The following SERPINA7 variants were observed in gnomAD, a reference collection of about 807,000 sequenced individuals.
The protein encoded by SERPINA7 is thyroxine-binding globulin.
A neutral mutation model predicts 16.0 loss-of-function variants in SERPINA7; 14 were observed. The observed-to-expected ratio is 0.88, with a 90% CI of 0.58 to 1.37. SERPINA7 has a LOEUF of 1.37. SERPINA7 is among the 40% of genes most tolerant of loss of function. The pLI is 0.00. For missense variants in SERPINA7, 335 were observed against 296.6 expected, an observed-to-expected ratio of 1.13 and a Z score of -0.95; for synonymous variants, 140 against 111.0, an observed-to-expected ratio of 1.26 and a Z score of -1.65.
chrX:106,034,510 G>A (rs2041433762), intron 3 of SERPINA7, 128 bp from the exon 4 acceptor site: 1 of 609,391 alleles, frequency 1.6e-6, no homozygotes, highest in South Asian at 2.6e-5. Context: ...CCATTACTAT[G>A]TAAGTCAATA....
At chrX:106,036,350 G>A in intron 2 of SERPINA7, 87 bp downstream of exon 2, 1 of 989,567 alleles carries the variant, frequency 1.0e-6, no homozygotes, top group Admixed American at 2.2e-5. Context: ...ACCTACTGAT[G>A]CCAGTAATAA....
Position 106,033,692 on chromosome X carries a change from CT to C in SERPINA7, c.1055del (p.Lys352ArgfsTer43), listed in dbSNP as rs1410524307. ...CCTTTTCACCAATGTGCAGCACAGC[CT>C]TATGGGCAGCCTGTGTGGGGAGAAC... Reference protein sequence around the residue: ...NGLKLSNAAHKAVLHIGEKGT... With the variant: ...NGLKLSNAAHXAVLHIGEKGT... On this transcript the variant is annotated frameshift_variant, in exon 5 of 5. Coordinates refer to ENST00000372563, the MANE Select transcript of SERPINA7 (RefSeq NM_000354.6). LOFTEE classifies it low-confidence loss of function (END_TRUNC). The C allele has an allele frequency of 8.3e-7, 1 of 1,210,964 alleles. No homozygotes were observed. Among genetic ancestry groups the C allele is most frequent in the Admixed American group, 2.2e-5 (1 of 45,995 alleles).
At chrX:106,035,034 C>T in intron 3 of SERPINA7, 78 bp downstream of exon 3, 1 of 1,125,503 alleles carries the variant, frequency 8.9e-7, no homozygotes. Context: ...ATTCTTCTGC[C>T]TCTGGGTTTC....
In SERPINA7 at chrX:106,033,360, C is replaced by A; in HGVS notation, c.*140G>T. The A allele has an allele frequency of 1.3e-6, 1 of 764,131 alleles. No individual in the cohort carries two copies. The highest frequency in any genetic ancestry group is 2.0e-6 in the Non-Finnish European group (1 of 496,777). The allele number at this position is 764,131 out of a possible 1,213,427, so 63.0% of individuals were successfully genotyped here. A position where few individuals can be genotyped will look rare whatever the true frequency, so the allele number is the denominator to read the frequency against. On this transcript the variant is annotated 3_prime_UTR_variant, in exon 5 of 5. Transcript: ENST00000372563. ...TAGGATTGGCCTCTTCCACAGCCAA[C>A]AAAGTTCAGCCAGGGTTCAATCTTC...
At chrX:106,034,774 T>A (rs17332369) in intron 3 of SERPINA7, among the ~76,000 whole-genome samples, 7,006 of 111,552 alleles carry the variant, frequency 0.063, 226 homozygotes, top group Non-Finnish European at 0.094. Flanking sequence ...AAATCCAACC[T>A]GTTCTTTGAG....
intron 2 of SERPINA7, among the ~76,000 whole-genome samples, chrX:106,035,846 C>A (rs1487453672): frequency 3.6e-5 from 4 of 112,172 alleles, no homozygotes; most frequent in African/African-American, 1.3e-4. Flanking sequence ...GAGCACAGTA[C>A]CTTTAGGAAA....
intron 4 of SERPINA7, 140 bp downstream of exon 4, chrX:106,034,093 CTG>C (rs1444922755): frequency 1.7e-6 from 1 of 590,935 alleles, no homozygotes; most frequent in Non-Finnish European, 2.8e-6. Flanking sequence ...GGGAATGACT[CTG>C]GAGTGATTCT....
chrX:106,037,927 C>T (rs1367336660), intron 1 of SERPINA7, among the ~76,000 whole-genome samples: 1 of 110,945 alleles, frequency 9.0e-6, no homozygotes, highest in East Asian at 2.9e-4. Context: ...TGTGGAAATC[C>T]AATGAAAGTG....
chrX:106,038,657 T>C (rs1484240016), intron 1 of SERPINA7, 41 bp downstream of exon 1: 1 of 111,684 alleles, frequency 9.0e-6, no homozygotes, highest in Non-Finnish European at 1.9e-5. Flanking sequence ...GACTTGCTGA[T>C]AGAGATGTTC....
Position 106,033,556 on chromosome X carries a change from T to C in SERPINA7, c.1192A>G (p.Arg398Gly). ...AGAAAGAGAATACTCCTTGTGCTTC[T>C]CTCCAAAATCAACAACATGAAAGAT... ...DRSFMLLILE[R>G]STRSILFLGK... The change falls in exon 5 of 5, where the codon AGA becomes GGA. Residue 398 changes from arginine to glycine, a missense_variant. Physicochemically the swap from Arg to Gly is moderately radical, Grantham distance 125. Coordinates refer to ENST00000372563, the MANE Select transcript of SERPINA7 (RefSeq NM_000354.6). 1 of 1,211,291 alleles carries C rather than the reference T, an allele frequency of 8.3e-7. No homozygotes were observed. The highest frequency in any genetic ancestry group is 1.1e-6 in the Non-Finnish European group (1 of 894,903).
rs903028324 is a variant in SERPINA7 at position 106,036,761 on chromosome X, G to A, written c.298C>T (p.Leu100Phe). Residue 100 changes from leucine to phenylalanine, a missense_variant, in exon 2 of 5, where the codon CTC becomes TTC. Leu to Phe is a conservative substitution (Grantham distance 22). Coordinates refer to ENST00000372563, the MANE Select transcript of SERPINA7 (RefSeq NM_000354.6). The part of the protein sequence containing the change: ...TEIVETLGFN[L>F]TDTPMVEIQH... ...ATCTCTACCATTGGAGTGTCTGTGAGGTTGAACCCCAAGGTCTCCACAATC... is the reference window on the plus strand; with the variant it reads ...ATCTCTACCATTGGAGTGTCTGTGAAGTTGAACCCCAAGGTCTCCACAATC... 8.3e-7 allele frequency: 1 copy of A among 1,208,875 alleles called. No homozygotes were observed. The highest frequency in any genetic ancestry group is 2.2e-5 in the Admixed American group (1 of 45,567).
intron 1 of SERPINA7, among the ~76,000 whole-genome samples, chrX:106,038,452 C>T (rs1282924040): frequency 9.0e-6 from 1 of 111,346 alleles, no homozygotes; most frequent in Non-Finnish European, 1.9e-5. Flanking sequence ...CACACCATCT[C>T]CTATATCCTC....
chrX:106,033,094 A>T lies in SERPINA7; in HGVS notation c.*406T>A, dbSNP rs2041419945. On this transcript the variant is annotated 3_prime_UTR_variant, in exon 5 of 5. Coordinates refer to ENST00000372563, the MANE Select transcript of SERPINA7 (RefSeq NM_000354.6). Reference sequence around the variant, plus strand: ...AAGGGGGTTGAGAAGTTCACATATAAGACAATGCATCTGCATTGTTTTATG... The same window carrying T: ...AAGGGGGTTGAGAAGTTCACATATATGACAATGCATCTGCATTGTTTTATG... 1 of 206,007 alleles carries T rather than the reference A, an allele frequency of 4.9e-6. No homozygotes were observed. The highest frequency in any genetic ancestry group is 3.0e-5 in the African/African-American group (1 of 33,413). The allele number at this position is 206,007 out of a possible 1,213,427, so 17.0% of individuals were successfully genotyped here. A position where few individuals can be genotyped will look rare whatever the true frequency, so the allele number is the denominator to read the frequency against.
rs199840798 is a variant in SERPINA7, at chrX:106,034,399, A to G, written c.897-17T>C. On this transcript the variant is annotated splice_polypyrimidine_tract_variant and intron_variant, in intron 3 of 4. Transcript: ENST00000372563. ...TCAACCCATCTGTGGGAAAAGAGGA[A>G]GGGAACACATGGCAATCACCATATC... The G allele has an allele frequency of 1.1e-4, 130 of 1,186,778 alleles. No individual in the cohort carries two copies. Among genetic ancestry groups the G allele is most frequent in the Non-Finnish European group, 1.4e-4 (125 of 874,270 alleles).
chrX:106,035,052 C>A (rs2041437701), intron 3 of SERPINA7, 60 bp downstream of exon 3: 1 of 1,183,622 alleles, frequency 8.4e-7, no homozygotes, highest in Non-Finnish European at 1.1e-6. Context: ...TTCTGCTGAA[C>A]TCTGTCTCAC....
At position 106,037,021 on chromosome X, in the gene SERPINA7, C is replaced by T; in HGVS notation, c.38G>A (p.Gly13Glu). 1.7e-6 allele frequency: 2 copies of T among 1,208,799 alleles called. No individual in the cohort carries two copies. The highest frequency in any genetic ancestry group is 2.2e-6 in the Non-Finnish European group (2 of 893,679). Reference sequence around the variant, plus strand: ...TGCACAGTGGATTGTAGCATGAAGCCCAAGTACCAAGAGAACCAGATACAG... The same window carrying T: ...TGCACAGTGGATTGTAGCATGAAGCTCAAGTACCAAGAGAACCAGATACAG... ...PFLYLVLLVL[G>E]LHATIHCASP... is the part of the protein sequence containing the mutation. Residue 13 changes from glycine (G) to glutamate (E), a missense_variant, in exon 2 of 5, where the codon GGG becomes GAG. Gly to Glu is a moderately conservative substitution (Grantham distance 98, BLOSUM62 -2). Coordinates refer to ENST00000372563, the MANE Select transcript of SERPINA7 (RefSeq NM_000354.6).
In SERPINA7 at chrX:106,035,315, G is replaced by A. The variant is rs767442046; in HGVS notation, c.693C>T (p.Thr231=). The A allele has an allele frequency of 1.4e-5, 17 of 1,208,530 alleles. No homozygotes were observed. In the East Asian group the frequency reaches 4.4e-4, roughly 32 times the overall value. The change falls in exon 3 of 5, where the codon ACC becomes ACT. Residue 231 remains threonine, a synonymous_variant. Transcript: ENST00000372563. ...DSSSFLIDKT[T]TVQVPMMHQM... ...GGTGCATCATGGGCACTTGAACAGT[G>A]GTGGTCTTGTCTATTAAGAAGCTGG...
Position 106,036,963 on chromosome X carries a change from T to C in SERPINA7, c.96A>G (p.Ser32=). Residue 32 remains serine, a synonymous_variant, in exon 2 of 5, where the codon TCA becomes TCG. Coordinates refer to ENST00000372563, the MANE Select transcript of SERPINA7 (RefSeq NM_000354.6). ...TGTAGAGAGTGGCATTTGGTTGGGA[T>C]GAATGGCAGGCTGTTACTTTGCCTT... ...SPEGKVTACH[S]SQPNATLYKM... 3 of 1,211,016 alleles carry C rather than the reference T, an allele frequency of 2.5e-6. No homozygotes were observed. Among genetic ancestry groups the C allele is most frequent in the African/African-American group, 1.7e-5 (1 of 57,697 alleles).
Position 106,035,108 on chromosome X carries a change from T to C in SERPINA7, c.896+4A>G. 8.3e-7 allele frequency: 1 copy of C among 1,210,966 alleles called. No homozygotes were observed. Among genetic ancestry groups the C allele is most frequent in the Non-Finnish European group, 1.1e-6 (1 of 895,091 alleles). ...TCCACCCACACATCCTCTAAGGCAT[T>C]TACCCCTTCTGTAGTAAGCGGTTCC... On this transcript the variant is annotated splice_donor_region_variant and intron_variant, in intron 3 of 4. Transcript: ENST00000372563.
Sources: allele counts gnomAD v4.1 joint callset (sites outside exome capture counted in the v4.1 genomes callset), GRCh38; gene constraint gnomAD v4.1.1; transcripts MANE v1.5; gene names NCBI Gene and HGNC (gene_info 2026-07-23, HGNC 2026-07-21).